Variants in ANXA7 observed in about 807,000 individuals in gnomAD.
The protein encoded by ANXA7 is annexin VII.
ANXA7 carries 55 observed loss-of-function variants against 64.9 expected under a neutral mutation model. That is an observed-to-expected ratio of 0.85 (90% CI 0.68 to 1.06). ANXA7 has a LOEUF of 1.06. Among genes scored for constraint, ANXA7 ranks in the 50% least tolerant of loss-of-function variants. The pLI is 0.00. For synonymous variants in ANXA7, 200 were observed against 192.4 expected (o/e 1.04, Z -0.33); for missense variants, 548 against 582.1 (o/e 0.94, Z 0.60).
intron 1 of ANXA7, among the ~76,000 whole-genome samples, chr10:73,402,983 C>T (rs1039599138): frequency 1.1e-4 from 17 of 152,128 alleles, no homozygotes; most frequent in African/African-American, 4.1e-4. Flanking sequence ...TGCCACCGTG[C>T]CTGGCTAATT....
At chr10:73,396,426 C>T (rs1374733400) in intron 5 of ANXA7, 93 bp downstream of exon 5, 7 of 874,082 alleles carry the variant, frequency 8.0e-6, no homozygotes, top group African/African-American at 6.8e-5. Flanking sequence ...CTATAATGGG[C>T]CATTTCCTCC....
intron 7 of ANXA7, among the ~76,000 whole-genome samples, chr10:73,385,396 T>C (rs373534512): frequency 1.3e-5 from 2 of 152,136 alleles, no homozygotes; most frequent in East Asian, 3.9e-4. Flanking sequence ...TGGACTTGAA[T>C]GGTAACAATG....
chr10:73,376,400 CA>C (rs1421442961), intron 12 of ANXA7, among the ~76,000 whole-genome samples, 183 bp from the exon 13 acceptor site: 9 of 152,166 alleles, frequency 5.9e-5, no homozygotes, highest in Non-Finnish European at 1.0e-4. Flanking sequence ...GTCTGATTCA[CA>C]GCTCTGTAAA....
chr10:73,385,813 G>C (rs2055359661), intron 7 of ANXA7, among the ~76,000 whole-genome samples: 2 of 152,114 alleles, frequency 1.3e-5, no homozygotes, highest in Non-Finnish European at 2.9e-5. Flanking sequence ...ACAGGGAAAG[G>C]CAAAATAGAA....
At chr10:73,402,671 A>T (rs1246505513) in intron 1 of ANXA7, among the ~76,000 whole-genome samples, 2 of 152,188 alleles carry the variant, frequency 1.3e-5, no homozygotes. Flanking sequence ...ACAAAACAAG[A>T]TATGTTCAGA....
intron 4 of ANXA7, among the ~76,000 whole-genome samples, 150 bp downstream of exon 4, chr10:73,397,009 TTAATA>T (rs1272534929): frequency 3.3e-4 from 50 of 152,244 alleles, no homozygotes; most frequent in Admixed American, 6.5e-5. Flanking sequence ...TTCCATCAAT[TTAATA>T]TATTTCATAA....
chr10:73,387,641 G>A (rs1340268959), intron 7 of ANXA7, 48 bp downstream of exon 7: 2 of 1,391,326 alleles, frequency 1.4e-6, no homozygotes, highest in Admixed American at 1.7e-5. Context: ...CATGAATGCA[G>A]AGTCTACCAG....
chr10:73,408,333 A>G (rs935703788), intron 1 of ANXA7: 1 of 152,036 alleles, frequency 6.6e-6, no homozygotes, highest in Admixed American at 6.6e-5. Context: ...AAGAAAAAAA[A>G]AAAGAAAGAA....
chr10:73,398,479 T>C, intron 2 of ANXA7, 94 bp from the exon 3 acceptor site: 1 of 1,111,556 alleles, frequency 9.0e-7, no homozygotes. Context: ...TATTAAGGTC[T>C]ACCTCATTCT....
chr10:73,413,848 A>T (rs1040355497), intron 1 of ANXA7, among the ~76,000 whole-genome samples, 164 bp downstream of exon 1: 1 of 152,204 alleles, frequency 6.6e-6, no homozygotes, highest in Admixed American at 6.5e-5. Flanking sequence ...CCCGGCCGGC[A>T]GCCCGGCTAC....
chr10:73,406,219 G>T (rs1290350979), intron 1 of ANXA7, among the ~76,000 whole-genome samples: 2 of 152,174 alleles, frequency 1.3e-5, no homozygotes, highest in African/African-American at 4.8e-5. Context: ...GCCTCCCAAG[G>T]TGCTGGGATC....
Position 73,383,224 on chromosome 10 carries a change from C to A in ANXA7, c.869G>T (p.Arg290Met). 7 of 1,614,082 alleles carry A rather than the reference C, an allele frequency of 4.3e-6. No individual in the cohort carries two copies. Among genetic ancestry groups the A allele is most frequent in the Non-Finnish European group, 5.9e-6 (7 of 1,179,974 alleles). Residue 290 changes from arginine to methionine, a missense_variant, in exon 9 of 13, where the codon AGG becomes ATG. Transcript: ENST00000372921. ...TTCAAAATGTCCTGATGTATCTGAC[C>A]TAATGTCCTTTTCAAGGTCTCGTCC... is the stretch of plus-strand genomic sequence containing the variant. ...EFGRDLEKDI[R>M]SDTSGHFERL...
chr10:73,382,486 C>G (rs1314831973), intron 9 of ANXA7, among the ~76,000 whole-genome samples: 1 of 152,056 alleles, frequency 6.6e-6, no homozygotes, highest in Non-Finnish European at 1.5e-5. Context: ...GCACTACAGG[C>G]ACATACCACC....
At chr10:73,381,277 AG>A (rs1483056172) in intron 9 of ANXA7, among the ~76,000 whole-genome samples, 2 of 152,200 alleles carry the variant, frequency 1.3e-5, no homozygotes, top group Non-Finnish European at 2.9e-5. Flanking sequence ...GCTTTACAGA[AG>A]CAGCTACAAA....
chr10:73,410,794 A>T (rs574974529), intron 1 of ANXA7, among the ~76,000 whole-genome samples: 2 of 151,878 alleles, frequency 1.3e-5, no homozygotes, highest in East Asian at 3.9e-4. Flanking sequence ...AAAAAAAAAA[A>T]AAAAAAGTCA....
chr10:73,397,056 A>T, intron 4 of ANXA7, 108 bp downstream of exon 4: 1 of 480,408 alleles, frequency 2.1e-6, no homozygotes, highest in Non-Finnish European at 3.7e-6. Flanking sequence ...TTATGGAAAT[A>T]TAAACATTTA....
chr10:73,382,684 G>A (rs930301038), intron 9 of ANXA7, among the ~76,000 whole-genome samples: 2 of 152,030 alleles, frequency 1.3e-5, no homozygotes, highest in Admixed American at 1.3e-4. Flanking sequence ...TACCCTATTT[G>A]GAGTATTTTC....
chr10:73,376,316 T>C, intron 12 of ANXA7, 99 bp from the exon 13 acceptor site: 2 of 1,203,958 alleles, frequency 1.7e-6, no homozygotes, highest in South Asian at 1.9e-5. Flanking sequence ...TAATCAAAAC[T>C]TGGGGGGGAA....
At position 73,387,799 on chromosome 10, in the gene ANXA7, A is replaced by T; in HGVS notation, c.539-16T>A. The stretch of plus-strand genomic sequence containing the variant: ...TCATCTGTCCCTGGAAGAACCACAC[A>T]TGTTTAAGTAAGGACAAAGTACATG... On this transcript the variant is annotated splice_polypyrimidine_tract_variant and intron_variant, in intron 6 of 12. Transcript: ENST00000372921. 1 of 1,589,000 alleles carries T rather than the reference A, an allele frequency of 6.3e-7. No homozygotes were observed. The highest frequency in any genetic ancestry group is 8.6e-7 in the Non-Finnish European group (1 of 1,159,334).
Sources: gnomAD v4.1 joint callset for allele counts (sites outside exome capture counted in the v4.1 genomes callset) on GRCh38, gnomAD v4.1.1 for gene constraint, MANE v1.5 for transcripts, NCBI Gene and HGNC (gene_info 2026-07-23, HGNC 2026-07-21) for gene names.